The following AFF1 variants were observed in gnomAD, a reference collection of about 807,000 sequenced individuals.
The protein encoded by AFF1 is ALF transcription elongation factor 1, also known as AF4/FMR2 family member 1.
Under a neutral mutation model 121.7 loss-of-function variants are expected in AFF1, and 48 were observed. The ratio of observed to expected loss-of-function variants is 0.39; its 90% CI spans 0.31 to 0.50. The LOEUF (loss-of-function observed/expected upper bound fraction) is 0.50. Among genes scored for constraint, AFF1 ranks in the 20% least tolerant of loss-of-function variants. The probability of loss-of-function intolerance (pLI) is 0.76; values close to 1 mark genes in which losing one functional copy is unlikely to be tolerated. For missense variants in AFF1, 1,523 were observed against 1,511.7 expected, an observed-to-expected ratio of 1.01 and a Z score of -0.12; for synonymous variants, 613 against 563.0, an observed-to-expected ratio of 1.09 and a Z score of -1.26.
intron 4 of AFF1, among the ~76,000 whole-genome samples, chr4:87,064,315 A>G (rs1467783656): frequency 6.6e-6 from 1 of 152,258 alleles, no homozygotes; most frequent in East Asian, 1.9e-4. Context: ...TCCTGAATCC[A>G]ATATAGAAGA....
intron 2 of AFF1, among the ~76,000 whole-genome samples, chr4:87,012,163 C>G (rs914717089): frequency 4.0e-5 from 6 of 148,928 alleles, no homozygotes; most frequent in Non-Finnish European, 5.9e-5. Context: ...TTAACTGTTG[C>G]TTTGAGGTAT....
At chr4:87,063,228 CTTTTTTTTT>C (rs569577993) in intron 4 of AFF1, among the ~76,000 whole-genome samples, 1,976 of 44,422 alleles carry the variant, frequency 0.044, 40 homozygotes, top group Middle Eastern at 0.079. Flanking sequence ...AGATTCACCT[CTTTTTTTTT>C]TTTTTTTTTT....
rs531518720 is a variant in AFF1 at position 87,099,806 on chromosome 4, C to T, written c.1283+4837C>T. Among the ~76,000 whole-genome samples the T allele has an allele frequency of 1.7e-3, 254 of 152,268 alleles. 3 individuals carry two copies. The highest frequency in any genetic ancestry group is 1.2e-3 in the East Asian group (6 of 5,182). On this transcript the variant is annotated intron_variant, in intron 8 of 20. Transcript: ENST00000395146. ...AACAAACTGTAGGTGGCATATAATA[C>T]AGAGCAAGGGATGTGACAGTGACAG...
At chr4:87,130,957 C>T in intron 16 of AFF1, 126 bp from the exon 17 acceptor site, 1 of 1,280,246 alleles carries the variant, frequency 7.8e-7, no homozygotes, top group Admixed American at 2.3e-5. Flanking sequence ...GTTCATTCAT[C>T]CTCACACTTC....
At chr4:87,117,741 A>G (rs1727269796) in intron 12 of AFF1, among the ~76,000 whole-genome samples, 1 of 152,234 alleles carries the variant, frequency 6.6e-6, no homozygotes, top group African/African-American at 2.4e-5. Flanking sequence ...CCGTATTCTT[A>G]TTTCTTCGTC....
At chr4:86,997,766 A>G (rs2149515648) in intron 2 of AFF1, among the ~76,000 whole-genome samples, 1 of 151,426 alleles carries the variant, frequency 6.6e-6, no homozygotes, top group African/African-American at 2.4e-5. Context: ...CATCTCAAAA[A>G]AAAAAAAATG....
intron 2 of AFF1, among the ~76,000 whole-genome samples, chr4:86,953,632 TTAA>T (rs1272837900): frequency 6.6e-6 from 1 of 152,240 alleles, no homozygotes; most frequent in Non-Finnish European, 1.5e-5. Context: ...GTCCCCCTTT[TTAA>T]TAGTTCTTTC....
intron 4 of AFF1, among the ~76,000 whole-genome samples, chr4:87,064,586 T>A (rs1721142130): frequency 6.6e-6 from 1 of 152,014 alleles, no homozygotes; most frequent in Non-Finnish European, 1.5e-5. Flanking sequence ...CAAAACATTT[T>A]AAAAATTAGC....
At chr4:87,049,733 C>T (rs1167781872) in intron 4 of AFF1, 1 of 456,172 alleles carries the variant, frequency 2.2e-6, no homozygotes, top group Admixed American at 2.3e-5. Flanking sequence ...GCTGTGGTAC[C>T]AACTGCCTGG....
In AFF1 at chr4:87,139,781, G is replaced by T. The variant is rs1729576926; in HGVS notation, c.*4080G>T. 1 of 225,792 alleles carries T rather than the reference G, an allele frequency of 4.4e-6. No homozygotes were observed. Among genetic ancestry groups the T allele is most frequent in the Non-Finnish European group, 8.8e-6 (1 of 113,654 alleles). The allele number at this position is 225,792 out of a possible 1,614,324, so 14.0% of individuals were successfully genotyped here. On this transcript the variant is annotated 3_prime_UTR_variant, in exon 21 of 21. Coordinates refer to ENST00000395146, the MANE Select transcript of AFF1 (RefSeq NM_001166693.3). ...TGTTGGGGGTTTTCCTTCAAACACT[G>T]CAAGTGATATTGCCACCATGTGAAC...
At chr4:87,107,464 C>T (rs987376881) in intron 10 of AFF1, among the ~76,000 whole-genome samples, 1 of 152,132 alleles carries the variant, frequency 6.6e-6, no homozygotes, top group Non-Finnish European at 1.5e-5. Flanking sequence ...GGGATGATCC[C>T]TAAGCCACTT....
chr4:87,080,350 T>C (rs1213870581), intron 4 of AFF1, among the ~76,000 whole-genome samples: 1 of 152,258 alleles, frequency 6.6e-6, no homozygotes, highest in East Asian at 1.9e-4. Flanking sequence ...TGTTGCTTTT[T>C]GTCATTTTGT....
At chr4:87,116,893 C>T (rs1727182619) in intron 12 of AFF1, among the ~76,000 whole-genome samples, 1 of 151,904 alleles carries the variant, frequency 6.6e-6, no homozygotes, top group South Asian at 2.1e-4. Context: ...TTGTGATGGA[C>T]CTGGTTAGGA....
At position 87,126,298 on chromosome 4, in the gene AFF1, G is replaced by T. The variant is rs755474146; in HGVS notation, c.2773G>T (p.Val925Leu). The T allele has an allele frequency of 1.2e-6, 2 of 1,614,072 alleles. No homozygotes were observed. Among genetic ancestry groups the T allele is most frequent in the South Asian group, 2.2e-5 (2 of 91,070 alleles). ...CTCTTCCATTCCCAAGCAGAGAAGA[G>T]TAGAGGGGAAGGGCTCCAGAAGCTC... ...KDSSIPKQRR[V>L]EGKGSRSSSE... is the part of the protein sequence containing the mutation. The change falls in exon 14 of 21, where the codon GTA (valine) becomes TTA (leucine). Residue 925 changes from valine to leucine, a missense_variant. Val to Leu is a conservative substitution (Grantham distance 32). Around this residue, in one of 5 missense-constraint regions of AFF1, gnomAD observed 905 missense variants for 842.5 expected, o/e 1.07. Coordinates refer to ENST00000395146, the MANE Select transcript of AFF1 (RefSeq NM_001166693.3).
chr4:87,072,200 A>C (rs550938138), intron 4 of AFF1, among the ~76,000 whole-genome samples: 58 of 152,082 alleles, frequency 3.8e-4, no homozygotes, highest in African/African-American at 1.3e-3. Context: ...CGTCTCTACT[A>C]AAAATACAAA....
At chr4:87,033,417 C>T (rs113434875) in intron 2 of AFF1, among the ~76,000 whole-genome samples, 52 of 152,246 alleles carry the variant, frequency 3.4e-4, no homozygotes, top group African/African-American at 1.2e-3. Context: ...GGAATGTGTG[C>T]GTTAGAAGTT....
At chr4:87,133,315 T>G (rs1729009499) in intron 19 of AFF1, among the ~76,000 whole-genome samples, 1 of 152,210 alleles carries the variant, frequency 6.6e-6, no homozygotes, top group Non-Finnish European at 1.5e-5. Flanking sequence ...CCTAGTATTT[T>G]TTAATTTGGT....
Position 87,111,253 on chromosome 4 carries a change from G to A in AFF1, c.1533+2938G>A, listed in dbSNP as rs1382344203. ...AGGATGGTCTCGATCTCCTGACCTC[G>A]TGATCCGCCCGCCTCGGCCTCCCAA... On this transcript the variant is annotated intron_variant, in intron 11 of 20. Coordinates refer to ENST00000395146, the MANE Select transcript of AFF1 (RefSeq NM_001166693.3). Among the ~76,000 whole-genome samples, 3 of 28,944 alleles carry A rather than the reference G, an allele frequency of 1.0e-4. 1 individual carries two copies. The highest frequency in any genetic ancestry group is 2.9e-4 in the African/African-American group (3 of 10,498). 19.0% of individuals were successfully genotyped at this position (28,944 alleles called of 152,430 possible).
chr4:87,120,444 G>A (rs2149781630), intron 12 of AFF1, among the ~76,000 whole-genome samples: 1 of 152,312 alleles, frequency 6.6e-6, no homozygotes, highest in South Asian at 2.1e-4. Context: ...TTGATCAGCT[G>A]CCACCTTTTA....
Sources: gnomAD v4.1 joint callset for allele counts (sites outside exome capture counted in the v4.1 genomes callset) on GRCh38, gnomAD v4.1.1 for gene constraint, gnomAD v4.1.1 regional missense constraint, MANE v1.5 for transcripts, NCBI Gene and HGNC (gene_info 2026-07-23, HGNC 2026-07-21) for gene names.